The following PCBD1 variants were observed in gnomAD, a reference collection of about 807,000 sequenced individuals.
The protein encoded by PCBD1 is pterin-4 alpha-carbinolamine dehydratase 1, also known as pterin-4-alpha-carbinolamine dehydratase.
PCBD1 carries 16 observed loss-of-function variants against 12.6 expected under a neutral mutation model. The ratio of observed to expected loss-of-function variants is 1.27; its 90% CI spans 0.86 to 1.93. The LOEUF (loss-of-function observed/expected upper bound fraction) is 1.93, where lower values mean the gene tolerates loss of function less well. PCBD1 is among the 30% of genes most tolerant of loss of function. PCBD1 has a pLI of 0.00. For missense variants in PCBD1, 86 were observed against 130.1 expected (o/e 0.66, Z 1.65); for synonymous variants, 53 against 50.2 (o/e 1.05, Z -0.23).
rs200188190 is a variant in PCBD1 at position 70,885,163 on chromosome 10, C to T, written c.205G>A (p.Val69Met). ...KLDHHPEWFN[V>M]YNKVHITLST... ...ACAGCATCACTCACCTTGTTGTACACGTTAAACCATTCAGGATGGTGGTCC... is the reference window on the plus strand; with the variant it reads ...ACAGCATCACTCACCTTGTTGTACATGTTAAACCATTCAGGATGGTGGTCC... Residue 69 changes from valine to methionine, a missense_variant, in exon 3 of 4, where the codon GTG becomes ATG. Val to Met is a conservative substitution (Grantham distance 21). Coordinates refer to ENST00000299299, the MANE Select transcript of PCBD1 (RefSeq NM_000281.4). 2.1e-4 allele frequency: 335 copies of T among 1,613,540 alleles called. 1 individual carries two copies. The highest frequency in any genetic ancestry group is 2.6e-4 in the Non-Finnish European group (305 of 1,179,710).
In PCBD1 at chr10:70,886,006, G is replaced by A. The variant is rs1328068529; in HGVS notation, c.4-77C>T. The A allele has an allele frequency of 3.8e-6, 6 of 1,568,402 alleles. No homozygotes were observed. In the East Asian group the frequency reaches 1.4e-4, roughly 36 times the overall value. On this transcript the variant is annotated intron_variant, in intron 1 of 3. Transcript: ENST00000299299. Reference sequence around the variant, plus strand: ...AAACAGAGGGGCTCCAACCTTTAGGGGAACTTAGCTTCCACTGGCTGCTTT... The same window carrying A: ...AAACAGAGGGGCTCCAACCTTTAGGAGAACTTAGCTTCCACTGGCTGCTTT...
intron 1 of PCBD1, among the ~76,000 whole-genome samples, chr10:70,887,086 C>T (rs1216887363): frequency 6.6e-6 from 1 of 152,096 alleles, no homozygotes; most frequent in Non-Finnish European, 1.5e-5. Flanking sequence ...GTTTTGAGAC[C>T]CGCTTTCACC....
At chr10:70,888,386 G>T in intron 1 of PCBD1, 145 bp downstream of exon 1, 1 of 919,284 alleles carries the variant, frequency 1.1e-6, no homozygotes, top group Non-Finnish European at 1.5e-6. Flanking sequence ...CAGCGACAGA[G>T]AGCCGGGCAG....
chr10:70,885,883 A>C lies in PCBD1; in HGVS notation c.50T>G (p.Leu17Arg). Residue 17 changes from leucine to arginine, a missense_variant, in exon 2 of 4, where the codon CTG becomes CGG. Leu to Arg is a moderately radical substitution (Grantham distance 102, BLOSUM62 -2). Transcript: ENST00000299299. The part of the protein sequence containing the change: ...RLSAEERDQL[L>R]PNLRAVGWNE... ...CCACCCCACAGCCCTCAGGTTTGGC[A>C]GCAGCTGGTCCCTCTCCTCAGCGCT... is the stretch of plus-strand genomic sequence containing the variant. 1.2e-6 allele frequency: 2 copies of C among 1,614,024 alleles called. No homozygotes were observed. Among genetic ancestry groups the C allele is most frequent in the African/African-American group, 1.3e-5 (1 of 75,034 alleles).
At position 70,883,739 on chromosome 10, in the gene PCBD1, C is replaced by T. The variant is rs1846533879; in HGVS notation, c.*211G>A. ...ATTCAAATTAGTGTAACAGAGCCCCCAGGATGAAGAGAGTGGTGCAGGGAA... is the reference window on the plus strand; with the variant it reads ...ATTCAAATTAGTGTAACAGAGCCCCTAGGATGAAGAGAGTGGTGCAGGGAA... On this transcript the variant is annotated 3_prime_UTR_variant, in exon 4 of 4. Transcript: ENST00000299299. The T allele has an allele frequency of 7.0e-7, 1 of 1,432,458 alleles. No individual in the cohort carries two copies. Among genetic ancestry groups the T allele is most frequent in the Non-Finnish European group, 9.1e-7 (1 of 1,093,124 alleles). The allele number at this position is 1,432,458 out of a possible 1,614,324, so 88.7% of individuals were successfully genotyped here. A position where few individuals can be genotyped will look rare whatever the true frequency, so the allele number is the denominator to read the frequency against.
Position 70,883,688 on chromosome 10 carries a change from G to C in PCBD1, c.*262C>G. On this transcript the variant is annotated 3_prime_UTR_variant, in exon 4 of 4. Transcript: ENST00000299299. ...GCAAGAAAATCATTATTGTTGCTGG[G>C]AAGTTGCAAAGAAAGGGGAGAGTTT... is the stretch of plus-strand genomic sequence containing the variant. 1 of 1,346,552 alleles carries C rather than the reference G, an allele frequency of 7.4e-7. No individual in the cohort carries two copies. Among genetic ancestry groups the C allele is most frequent in the South Asian group, 1.6e-5 (1 of 63,530 alleles). The allele number at this position is 1,346,552 out of a possible 1,614,324, so 83.4% of individuals were successfully genotyped here. A position where few individuals can be genotyped will look rare whatever the true frequency, so the allele number is the denominator to read the frequency against.
intron 1 of PCBD1, 27 bp from the exon 2 acceptor site, chr10:70,885,956 C>CT (rs1459023659): frequency 2.5e-6 from 4 of 1,611,892 alleles, no homozygotes; most frequent in Non-Finnish European, 3.4e-6. Flanking sequence ...AACAGAGGCC[C>CT]AAGGGCATTT....
chr10:70,886,452 T>A (rs1846585774), intron 1 of PCBD1, among the ~76,000 whole-genome samples: 1 of 152,194 alleles, frequency 6.6e-6, no homozygotes, highest in Non-Finnish European at 1.5e-5. Flanking sequence ...GAAACAGGCC[T>A]AGAGAGGGGA....
At chr10:70,886,499 G>C (rs1216814203) in intron 1 of PCBD1, among the ~76,000 whole-genome samples, 1 of 152,200 alleles carries the variant, frequency 6.6e-6, no homozygotes, top group African/African-American at 2.4e-5. Context: ...CCCACCCCTA[G>C]CCAGTGATGG....
At chr10:70,883,268 G>GT (rs1328250886), downstream of PCBD1, among the ~76,000 whole-genome samples, 1 of 152,150 alleles carries the variant, frequency 6.6e-6, no homozygotes. Context: ...ATTCACTCTA[G>GT]TAATAGTTAA....
At chr10:70,882,757 AC>A (rs796673072), downstream of PCBD1, among the ~76,000 whole-genome samples, 78 of 152,306 alleles carry the variant, frequency 5.1e-4, 1 homozygote, top group African/African-American at 1.8e-3. Flanking sequence ...ATGCCTGGGC[AC>A]CCCATGGCCC....
rs745391967 is a variant in PCBD1, at chr10:70,884,038, G to A, written c.227C>T (p.Thr76Met). The A allele has an allele frequency of 5.6e-6, 9 of 1,614,002 alleles. No homozygotes were observed. The highest frequency in any genetic ancestry group is 3.3e-5 in the South Asian group (3 of 90,978). The change falls in exon 4 of 4, where the codon ACG becomes ATG. Residue 76 changes from threonine to methionine, a missense_variant. Coordinates refer to ENST00000299299, the MANE Select transcript of PCBD1 (RefSeq NM_000281.4). ...WFNVYNKVHI[T>M]LSTHECAGLS... ...GCCGGCACACTCATGGGTGCTCAGCGTGATGTGGACCTGAAATGAAACCAG... is the reference window on the plus strand; with the variant it reads ...GCCGGCACACTCATGGGTGCTCAGCATGATGTGGACCTGAAATGAAACCAG...
rs775665119 is a variant in PCBD1 at position 70,885,866 on chromosome 10, C to T, written c.67G>A (p.Val23Met). The T allele has an allele frequency of 6.2e-6, 10 of 1,614,126 alleles. No homozygotes were observed. In the South Asian group the frequency reaches 9.9e-5, roughly 16 times the overall value. ...RDQLLPNLRA[V>M]GWNELEGRDA... ...CGGCCTTCCAGCTCATTCCACCCCA[C>T]AGCCCTCAGGTTTGGCAGCAGCTGG... Residue 23 changes from valine to methionine, a missense_variant, in exon 2 of 4, where the codon GTG (valine) becomes ATG (methionine). By Grantham distance (21) the Val-to-Met change is conservative. Transcript: ENST00000299299.
At chr10:70,882,570 C>T (rs1424296982), downstream of PCBD1, 1 of 152,242 alleles carries the variant, frequency 6.6e-6, no homozygotes, top group Admixed American at 6.5e-5. Context: ...AGGAGGACTT[C>T]CCTTTTATTT....
chr10:70,883,997 T>G lies in PCBD1; in HGVS notation c.268A>C (p.Ile90Leu). 1 of 1,614,130 alleles carries G rather than the reference T, an allele frequency of 6.2e-7. No individual in the cohort carries two copies. The highest frequency in any genetic ancestry group is 8.5e-7 in the Non-Finnish European group (1 of 1,180,012). Residue 90 changes from isoleucine (I) to leucine (L), a missense_variant, in exon 4 of 4, where the codon ATA (isoleucine) becomes CTA (leucine). By Grantham distance (5) the Ile-to-Leu change is conservative. Coordinates refer to ENST00000299299, the MANE Select transcript of PCBD1 (RefSeq NM_000281.4). ...HECAGLSERDINLASFIEQVA... is the reference protein window; with the variant it reads ...HECAGLSERDLNLASFIEQVA... ...TGTTCGATGAAGCTGGCCAGGTTTATGTCCCGTTCTGAAAGGCCGGCACAC... is the reference window on the plus strand; with the variant it reads ...TGTTCGATGAAGCTGGCCAGGTTTAGGTCCCGTTCTGAAAGGCCGGCACAC...
chr10:70,886,530 A>G (rs1248760673), intron 1 of PCBD1, among the ~76,000 whole-genome samples: 1 of 152,206 alleles, frequency 6.6e-6, no homozygotes, highest in East Asian at 1.9e-4. Flanking sequence ...TCTGTGTGTC[A>G]GCATTGCTGG....
chr10:70,887,913 C>G (rs867410220), intron 1 of PCBD1: 1 of 152,640 alleles, frequency 6.6e-6, no homozygotes, highest in Admixed American at 6.5e-5. Flanking sequence ...TACAGCAGAG[C>G]AAGGGCCCCG....
At chr10:70,888,207 G>A (rs1846618392) in intron 1 of PCBD1, 3 of 287,122 alleles carry the variant, frequency 1.0e-5, no homozygotes, top group Non-Finnish European at 1.3e-5. Context: ...CGAGATCCGT[G>A]GACTCCTCCA....
downstream of PCBD1, among the ~76,000 whole-genome samples, chr10:70,883,012 A>C (rs1000551440): frequency 5.9e-5 from 9 of 152,190 alleles, no homozygotes; most frequent in African/African-American, 2.2e-4. Flanking sequence ...CCAATTTTCA[A>C]ATTAGGGATG....
Sources: gnomAD v4.1 joint callset for allele counts (sites outside exome capture counted in the v4.1 genomes callset) on GRCh38, gnomAD v4.1.1 for gene constraint, MANE v1.5 for transcripts, NCBI Gene and HGNC (gene_info 2026-07-23, HGNC 2026-07-21) for gene names.